The following SCNN1A variants were observed in gnomAD, a reference collection of about 807,000 sequenced individuals.
SCNN1A encodes the protein sodium channel epithelial 1 subunit alpha, also known as epithelial sodium channel subunit alpha.
In SCNN1A, 65 loss-of-function variants were observed where a neutral mutation model predicts 68.6. The observed-to-expected ratio is 0.95, with a 90% CI of 0.78 to 1.16. The LOEUF is 1.16. SCNN1A is among the 50% of genes most tolerant of loss of function. The pLI, the probability that SCNN1A is intolerant of heterozygous loss-of-function variation, is 0.00. For missense variants in SCNN1A, 880 were observed against 865.9 expected, an observed-to-expected ratio of 1.02 and a Z score of -0.20; for synonymous variants, 357 against 353.3, an observed-to-expected ratio of 1.01 and a Z score of -0.12.
chr12:6,362,517 A>G (rs963948971), intron 3 of SCNN1A, among the ~76,000 whole-genome samples: 7 of 152,038 alleles, frequency 4.6e-5, no homozygotes, highest in Non-Finnish European at 1.0e-4. Context: ...CCTAGGGTGG[A>G]AGGAGCAAGA....
At chr12:6,352,413 G>A (rs1565477092) in intron 8 of SCNN1A, among the ~76,000 whole-genome samples, 2 of 152,150 alleles carry the variant, frequency 1.3e-5, no homozygotes, top group Non-Finnish European at 2.9e-5. Flanking sequence ...GGAAGCAGCT[G>A]GCCCTCTTCT....
intron 4 of SCNN1A, among the ~76,000 whole-genome samples, chr12:6,359,639 T>C (rs1029731496): frequency 6.6e-6 from 1 of 152,088 alleles, no homozygotes; most frequent in Non-Finnish European, 1.5e-5. Flanking sequence ...CCTTCTACCA[T>C]GAGTAAAAGT....
intron 4 of SCNN1A, among the ~76,000 whole-genome samples, chr12:6,358,014 G>A (rs922073961): frequency 6.6e-6 from 1 of 152,150 alleles, no homozygotes; most frequent in African/African-American, 2.4e-5. Context: ...GAAAAAAAAA[G>A]AGCACAGACT....
chr12:6,377,285 G>C (rs557040840), upstream of SCNN1A: 1 of 1,549,688 alleles, frequency 6.5e-7, no homozygotes, highest in African/African-American at 1.4e-5. Flanking sequence ...CCCTTGGAAG[G>C]GACAGCTGGA....
chr12:6,373,220 GC>G lies in SCNN1A; in HGVS notation c.416+1147del, dbSNP rs1193136044. The stretch of plus-strand genomic sequence containing the variant: ...TGGACATGATGGAATATACGAAGGG[GC>G]CTCCACCCACAGCATGACCAATCCC... On this transcript the variant is annotated intron_variant, in intron 2 of 12. Coordinates refer to ENST00000228916, the MANE Select transcript of SCNN1A (RefSeq NM_001038.6). Among the ~76,000 whole-genome samples the G allele has an allele frequency of 3.3e-5, 5 of 151,994 alleles. No homozygotes were observed. The East Asian group carries it at 9.7e-4, about 29-fold the overall frequency.
chr12:6,367,366 A>G (rs1948697744), intron 2 of SCNN1A, among the ~76,000 whole-genome samples: 1 of 152,262 alleles, frequency 6.6e-6, no homozygotes. Flanking sequence ...ATTAAATTTA[A>G]CAGAGTTGAC....
At chr12:6,353,768 T>G (rs1387596730) in intron 8 of SCNN1A, 1 of 127,172 alleles carries the variant, frequency 7.9e-6, no homozygotes, top group Non-Finnish European at 1.6e-5. Flanking sequence ...TTTTTGTATT[T>G]TTAGTAGAGA....
In SCNN1A at chr12:6,354,791, C is replaced by A; in HGVS notation, c.1201G>T (p.Val401Phe). 6.2e-7 allele frequency: 1 copy of A among 1,614,014 alleles called. No homozygotes were observed. Among genetic ancestry groups the A allele is most frequent in the Non-Finnish European group, 8.5e-7 (1 of 1,179,982 alleles). The change falls in exon 7 of 13, where the codon GTT becomes TTT. Residue 401 changes from valine to phenylalanine, a missense_variant. Physicochemically the swap from Val to Phe is conservative, Grantham distance 50. This residue lies in a region of SCNN1A where 758 missense variants were observed against 721.8 expected (regional missense o/e 1.05). Transcript: ENST00000228916. The stretch of plus-strand genomic sequence containing the variant: ...GAAGGGTAAAGGTTCTCAACAGGAA[C>A]ATCACTGCCATTCTTGGTGCAGTCG... ...YGDCTKNGSD[V>F]PVENLYPSKY...
chr12:6,348,603 G>A (rs1249098112), intron 12 of SCNN1A, 124 bp downstream of exon 12: 3 of 767,936 alleles, frequency 3.9e-6, no homozygotes, highest in Non-Finnish European at 6.3e-6. Context: ...CCTCTTCTTT[G>A]GTCCCCTGCC....
chr12:6,353,036 T>G (rs1019195496), intron 8 of SCNN1A, among the ~76,000 whole-genome samples: 90 of 152,304 alleles, frequency 5.9e-4, no homozygotes, highest in Admixed American at 2.3e-3. Flanking sequence ...GAGCATGAAC[T>G]CCAGGAATGC....
chr12:6,367,557 C>T (rs7973914), intron 2 of SCNN1A, among the ~76,000 whole-genome samples: 62,174 of 151,978 alleles, frequency 0.41, 12,927 homozygotes, highest in Admixed American at 0.52. Context: ...CCCATTTATA[C>T]GAATTCTATG....
In SCNN1A at chr12:6,351,286, A is replaced by C. The variant is rs1948382621; in HGVS notation, c.1361-1881T>G. Among the ~76,000 whole-genome samples, 1 of 152,216 alleles carries C rather than the reference A, an allele frequency of 6.6e-6. No individual in the cohort carries two copies. Among genetic ancestry groups the C allele is most frequent in the African/African-American group, 2.4e-5 (1 of 41,462 alleles). On this transcript the variant is annotated intron_variant, in intron 8 of 12. Transcript: ENST00000228916. This position sits in a 1 kb window ranked among gnomAD's most constrained non-coding sequence, Gnocchi z 4.2. ...TGAAAATATTATGCTAAGTGAAATA[A>C]GGCAGACACGAGGGTCACACACTCT... is the stretch of plus-strand genomic sequence containing the variant.
At chr12:6,365,338 A>G (rs1263875718) in intron 2 of SCNN1A, among the ~76,000 whole-genome samples, 2 of 152,212 alleles carry the variant, frequency 1.3e-5, no homozygotes, top group Admixed American at 1.3e-4. Flanking sequence ...GTATTTTTAA[A>G]GAAATTGACA....
chr12:6,369,382 C>T (rs1322992199), intron 2 of SCNN1A, among the ~76,000 whole-genome samples: 3 of 151,968 alleles, frequency 2.0e-5, no homozygotes, highest in South Asian at 2.1e-4. Flanking sequence ...TCCTGCCTGG[C>T]CTCACTGATG....
upstream of SCNN1A, chr12:6,377,338 G>T: frequency 7.3e-7 from 1 of 1,361,012 alleles, no homozygotes; most frequent in South Asian, 1.3e-5. Flanking sequence ...CCTTCCCAAG[G>T]ATAAATCAGT....
rs1304262088 is a variant in SCNN1A at position 6,351,381 on chromosome 12, G to A, written c.1361-1976C>T. 2.6e-5 allele frequency among the ~76,000 whole-genome samples: 4 copies of A among 152,180 alleles called. No homozygotes were observed. The highest frequency in any genetic ancestry group is 9.7e-5 in the African/African-American group (4 of 41,440). ...GCTCATGCCTGTAATCCCAGCACTT[G>A]GGGGCTGAGGTGGGCGGATCACCTG... On this transcript the variant is annotated intron_variant, in intron 8 of 12. Transcript: ENST00000228916. The surrounding 1 kb of genome is among the most constrained non-coding windows in gnomAD (Gnocchi z 4.2).
chr12:6,353,713 CCA>C lies in SCNN1A; in HGVS notation c.1360+723_1360+724del, dbSNP rs1384213667. 25 of 93,294 alleles carry C rather than the reference CCA, an allele frequency of 2.7e-4. 2 individuals are homozygous for C. The highest frequency in any genetic ancestry group is 7.5e-5 in the Non-Finnish European group (4 of 53,076). The allele number at this position is 93,294 out of a possible 1,614,324, so 5.8% of individuals were successfully genotyped here. ...CACACCATTCTCCTGCCTCAGCCTC[CCA>C]CGTAGCTGGGACTACAGGCGCCCGC... On this transcript the variant is annotated intron_variant, in intron 8 of 12. Transcript: ENST00000228916.
intron 2 of SCNN1A, among the ~76,000 whole-genome samples, chr12:6,371,142 G>A (rs1948781635): frequency 1.3e-5 from 2 of 152,076 alleles, no homozygotes; most frequent in Admixed American, 1.3e-4. Context: ...CCCTCTGCTG[G>A]TGGCGACCCT....
chr12:6,370,522 CCTAACAGCCGT>C (rs1948770794), intron 2 of SCNN1A, among the ~76,000 whole-genome samples: 1 of 152,240 alleles, frequency 6.6e-6, no homozygotes, highest in Admixed American at 6.5e-5. Context: ...CCATGCTCAT[CCTAACAGCCGT>C]GGGAGCCGCC....
Sources: allele counts gnomAD v4.1 joint callset (sites outside exome capture counted in the v4.1 genomes callset), GRCh38; gene constraint gnomAD v4.1.1; regional missense constraint gnomAD v4.1.1; non-coding constraint Gnocchi (gnomAD v3.1); transcripts MANE v1.5; gene names NCBI Gene and HGNC (gene_info 2026-07-23, HGNC 2026-07-21).